Variants in ARHGEF9 observed in about 807,000 individuals in gnomAD.
ARHGEF9 encodes Cdc42 guanine nucleotide exchange factor 9.
In ARHGEF9, 2 loss-of-function variants were observed where a neutral mutation model predicts 41.3. That is an observed-to-expected ratio of 0.05 (90% confidence interval 0.02 to 0.15). The LOEUF is 0.15. Ranked by LOEUF, ARHGEF9 falls within the 10% of genes least tolerant of loss-of-function variation. The probability of loss-of-function intolerance (pLI) is 1.00; values close to 1 mark genes in which losing one functional copy is unlikely to be tolerated. For synonymous variants in ARHGEF9, 160 were observed against 154.4 expected (o/e 1.04, Z -0.27); for missense variants, 225 against 424.7 (o/e 0.53, Z 4.13).
At chrX:63,696,313 C>T (rs2051745893) in intron 4 of ARHGEF9, among the ~76,000 whole-genome samples, 1 of 111,726 alleles carries the variant, frequency 9.0e-6, no homozygotes, top group South Asian at 3.7e-4. Flanking sequence ...AAAGGGGAAA[C>T]ATGCTGTCAA....
intron 1 of ARHGEF9, among the ~76,000 whole-genome samples, chrX:63,777,876 A>C (rs2056317997): frequency 8.9e-6 from 1 of 112,749 alleles, no homozygotes; most frequent in South Asian, 3.7e-4. Context: ...CTGGCTTTGC[A>C]GGGTACAGTC....
chrX:63,785,042 C>G, intron 1 of ARHGEF9, 74 bp downstream of exon 1: 5 of 1,128,888 alleles, frequency 4.4e-6, no homozygotes, highest in Non-Finnish European at 5.9e-6. Context: ...CCTTGTGGCT[C>G]GTTGGAGGAA....
chrX:63,643,480 T>C (rs2047779602), intron 9 of ARHGEF9, among the ~76,000 whole-genome samples: 1 of 109,030 alleles, frequency 9.2e-6, no homozygotes, highest in African/African-American at 3.3e-5. Context: ...TGCCTCAATC[T>C]CCCCAGTAGC....
At chrX:63,726,096 T>C (rs1206529779) in intron 1 of ARHGEF9, among the ~76,000 whole-genome samples, 4 of 112,334 alleles carry the variant, frequency 3.6e-5, no homozygotes, top group African/African-American at 1.3e-4. Flanking sequence ...TAACATGTTT[T>C]GTTCAGGTCC....
intron 1 of ARHGEF9, among the ~76,000 whole-genome samples, chrX:63,754,124 T>C (rs1556444225): frequency 8.9e-6 from 1 of 111,963 alleles, no homozygotes; most frequent in Non-Finnish European, 1.9e-5. Flanking sequence ...GCAAAGCCAC[T>C]GTTTAAGGAC....
intron 7 of ARHGEF9, among the ~76,000 whole-genome samples, chrX:63,665,565 A>AT (rs2049480402): frequency 8.9e-6 from 1 of 112,639 alleles, no homozygotes; most frequent in Non-Finnish European, 1.9e-5. Context: ...ATATTTCAAT[A>AT]TTTTTTACAA....
At chrX:63,667,708 C>T (rs1389364543) in intron 6 of ARHGEF9, among the ~76,000 whole-genome samples, 1 of 110,740 alleles carries the variant, frequency 9.0e-6, no homozygotes, top group Non-Finnish European at 1.9e-5. Context: ...GAACCCCCCA[C>T]CCCACTGCCG....
rs2047342009 is a variant in ARHGEF9 at position 63,637,041 on chromosome X, G to A, written c.*987C>T. On this transcript the variant is annotated 3_prime_UTR_variant, in exon 10 of 10. Transcript: ENST00000671741. ...CCTGGGAGGCAGAATCTCAACCTCTGCTTCCAGTTCAGATCTTTTGGGCTA... is the reference window on the plus strand; with the variant it reads ...CCTGGGAGGCAGAATCTCAACCTCTACTTCCAGTTCAGATCTTTTGGGCTA... 1 of 297,342 alleles carries A rather than the reference G, an allele frequency of 3.4e-6. No homozygotes were observed. The highest frequency in any genetic ancestry group is 5.9e-6 in the Non-Finnish European group (1 of 170,311). 24.5% of individuals were successfully genotyped at this position (297,342 alleles called of 1,213,427 possible). A position where few individuals can be genotyped will look rare whatever the true frequency, so the allele number is the denominator to read the frequency against.
chrX:63,774,989 A>G (rs1216786638), intron 1 of ARHGEF9, among the ~76,000 whole-genome samples: 1 of 112,413 alleles, frequency 8.9e-6, no homozygotes, highest in African/African-American at 3.2e-5. Flanking sequence ...CAAAAAAAAT[A>G]CAACCTCATT....
chrX:63,653,010 C>T (rs1468387644), intron 8 of ARHGEF9, among the ~76,000 whole-genome samples: 1 of 111,677 alleles, frequency 9.0e-6, no homozygotes, highest in Non-Finnish European at 1.9e-5. Flanking sequence ...CCCAGTGATG[C>T]TTCCTGTTAA....
chrX:63,690,723 C>A (rs2051289959), intron 4 of ARHGEF9, among the ~76,000 whole-genome samples: 1 of 111,485 alleles, frequency 9.0e-6, no homozygotes. Flanking sequence ...AACATAGATG[C>A]AAAAATTCCA....
intron 1 of ARHGEF9, among the ~76,000 whole-genome samples, chrX:63,766,287 G>C (rs1373630898): frequency 8.9e-6 from 1 of 111,789 alleles, no homozygotes; most frequent in Non-Finnish European, 1.9e-5. Context: ...AGGAGGAAAT[G>C]GAGGGAGGGA....
chrX:63,673,198 A>C (rs2050063775), intron 6 of ARHGEF9, among the ~76,000 whole-genome samples: 1 of 111,685 alleles, frequency 9.0e-6, no homozygotes, highest in South Asian at 3.7e-4. Flanking sequence ...TTAAGTATTA[A>C]GAGAAATACT....
chrX:63,759,799 A>G (rs868945830), intron 1 of ARHGEF9, among the ~76,000 whole-genome samples: 1 of 112,154 alleles, frequency 8.9e-6, no homozygotes, highest in Middle Eastern at 4.6e-3. Context: ...TATTGTCCTT[A>G]TTTTATAGAT....
chrX:63,673,957 C>A (rs192257388), intron 6 of ARHGEF9, 81 bp downstream of exon 6: 2 of 1,129,829 alleles, frequency 1.8e-6, no homozygotes, highest in South Asian at 3.7e-5. Context: ...TGTAATTTCT[C>A]TTCACCTGTC....
chrX:63,738,137 T>A (rs1364979780), intron 1 of ARHGEF9, among the ~76,000 whole-genome samples: 2 of 111,989 alleles, frequency 1.8e-5, no homozygotes, highest in Admixed American at 1.9e-4. Context: ...CCACAGCACA[T>A]CTTCACATCC....
At chrX:63,753,543 G>GTT (rs536776847) in intron 1 of ARHGEF9, among the ~76,000 whole-genome samples, 2,218 of 96,278 alleles carry the variant, frequency 0.023, 49 homozygotes, top group African/African-American at 0.049. Flanking sequence ...TTCTTGTGGG[G>GTT]TTTTTTTTTT....
chrX:63,687,947 A>C (rs2051090195), intron 4 of ARHGEF9, among the ~76,000 whole-genome samples: 1 of 111,355 alleles, frequency 9.0e-6, no homozygotes, highest in Admixed American at 9.6e-5. Flanking sequence ...GCTTATTCAA[A>C]GTAATAATAA....
chrX:63,738,856 C>T (rs1221546558), intron 1 of ARHGEF9, among the ~76,000 whole-genome samples: 3 of 111,560 alleles, frequency 2.7e-5, no homozygotes, highest in Non-Finnish European at 3.8e-5. Context: ...AATGTGTCAC[C>T]CCTTCCCTCT....
Sources: gnomAD v4.1 joint callset for allele counts (sites outside exome capture counted in the v4.1 genomes callset) on GRCh38, gnomAD v4.1.1 for gene constraint, MANE v1.5 for transcripts, NCBI Gene and HGNC (gene_info 2026-07-23, HGNC 2026-07-21) for gene names.